Variants in PCDHGA8 observed in about 807,000 individuals in gnomAD.
The protein encoded by PCDHGA8 is protocadherin gamma-A8.
PCDHGA8 carries 45 observed loss-of-function variants against 59.2 expected under a neutral mutation model. The ratio of observed to expected loss-of-function variants is 0.76; its 90% CI spans 0.60 to 0.98. The LOEUF is 0.98. Ranked by LOEUF, PCDHGA8 falls within the 50% of genes least tolerant of loss-of-function variation. The pLI, the probability that PCDHGA8 is intolerant of heterozygous loss-of-function variation, is 0.00. For synonymous variants in PCDHGA8, 531 were observed against 519.0 expected, an observed-to-expected ratio of 1.02 and a Z score of -0.32; for missense variants, 1,257 against 1,196.2, an observed-to-expected ratio of 1.05 and a Z score of -0.75.
Position 141,393,015 on chromosome 5 carries a change from T to C in PCDHGA8, c.202T>C (p.Ser68Pro), listed in dbSNP as rs755462760. Residue 68 changes from serine (S) to proline (P), a missense_variant, in exon 1 of 4, where the codon TCC (serine) becomes CCC (proline). Transcript: ENST00000398604. ...KLAKHGVRIV[S>P]RGRTQLFALN... The stretch of plus-strand genomic sequence containing the variant: ...GGCGAAGCACGGAGTCCGTATCGTC[T>C]CCAGAGGTAGGACGCAGCTCTTTGC... The C allele has an allele frequency of 7.9e-5, 127 of 1,613,696 alleles. No homozygotes were observed. The highest frequency in any genetic ancestry group is 1.1e-4 in the Non-Finnish European group (124 of 1,179,874).
intron 3 of PCDHGA8, among the ~76,000 whole-genome samples, chr5:141,507,645 G>A (rs565235954): frequency 6.6e-6 from 1 of 152,382 alleles, no homozygotes; most frequent in South Asian, 2.1e-4. Flanking sequence ...CTGAGGCCAG[G>A]AAGCAGCTTT....
rs553587727 is a variant in PCDHGA8, at chr5:141,419,523, G to A, written c.2424+24286G>A. The A allele has an allele frequency of 2.1e-4, 343 of 1,612,204 alleles. 3 individuals are homozygous for A. The South Asian group carries it at 3.5e-3, about 17-fold the overall frequency. ...AGCCTGCGCGTGTTGGTGGGCGACC[G>A]TAACGACAACGCACCGCGGGTGCTG... On this transcript the variant is annotated intron_variant, in intron 1 of 3. Coordinates refer to ENST00000398604, the MANE Select transcript of PCDHGA8 (RefSeq NM_032088.2).
chr5:141,431,709 T>C lies in PCDHGA8; in HGVS notation c.2424+36472T>C. On this transcript the variant is annotated intron_variant, in intron 1 of 3. Coordinates refer to ENST00000398604, the MANE Select transcript of PCDHGA8 (RefSeq NM_032088.2). This position sits in a 1 kb window ranked among gnomAD's most constrained non-coding sequence, Gnocchi z 4.8. ...CACGAGGAGTCAGGATTCTACCAGA[T>C]GGAAGTGCAAGCAATGGATAATGCA... The C allele has an allele frequency of 6.2e-7, 1 of 1,614,168 alleles. No individual in the cohort carries two copies. Among genetic ancestry groups the C allele is most frequent in the Non-Finnish European group, 8.5e-7 (1 of 1,180,018 alleles).
chr5:141,473,116 G>A (rs966472502), intron 1 of PCDHGA8, among the ~76,000 whole-genome samples: 19 of 152,114 alleles, frequency 1.2e-4, no homozygotes, highest in African/African-American at 4.6e-4. Context: ...ACTTTACTTG[G>A]CTCTTTGGCA....
At chr5:141,419,457 A>AGGCCCGCGACCAGGGCT in intron 1 of PCDHGA8, 2 of 1,612,728 alleles carry the variant, frequency 1.2e-6, no homozygotes, top group Non-Finnish European at 1.7e-6. Context: ...CTCACGCTGC[A>AGGCCCGCGACCAGGGCT]GGCCCGCGAC....
In PCDHGA8 at chr5:141,511,116, G is replaced by A. The variant is rs2099883616; in HGVS notation, c.2742G>A (p.Lys914=). Residue 914 remains lysine, a synonymous_variant, in exon 4 of 4, where the codon AAG becomes AAA. Transcript: ENST00000398604. The stretch of plus-strand genomic sequence containing the variant: ...ACGCAGCTGGCAAGCGGGATGGCAA[G>A]GCCCCAGCAGGTGGCAATGGCAACA... ...LTNAAGKRDG[K]APAGGNGNKK... The A allele has an allele frequency of 1.9e-6, 3 of 1,614,234 alleles. No individual in the cohort carries two copies. The highest frequency in any genetic ancestry group is 2.5e-6 in the Non-Finnish European group (3 of 1,180,026).
rs1444171664 is a variant in PCDHGA8, at chr5:141,477,015, T to G, written c.2425-17792T>G. The G allele has an allele frequency of 1.2e-6, 2 of 1,614,210 alleles. No homozygotes were observed. Among genetic ancestry groups the G allele is most frequent in the Non-Finnish European group, 1.7e-6 (2 of 1,180,038 alleles). On this transcript the variant is annotated intron_variant, in intron 1 of 3. Coordinates refer to ENST00000398604, the MANE Select transcript of PCDHGA8 (RefSeq NM_032088.2). This position sits in a 1 kb window ranked among gnomAD's most constrained non-coding sequence, Gnocchi z 4.9. ...CGGCAACTATTCGCCTTAGACCTTG[T>G]AACCGGGATGCTGACAATCAAGGGT...
intron 1 of PCDHGA8, among the ~76,000 whole-genome samples, chr5:141,453,999 A>C (rs1561953352): frequency 6.6e-6 from 1 of 152,258 alleles, no homozygotes; most frequent in South Asian, 2.1e-4. Flanking sequence ...ATAAACCCAC[A>C]TAACATTTTA....
At position 141,418,573 on chromosome 5, in the gene PCDHGA8, C is replaced by A. The variant is rs749104686; in HGVS notation, c.2424+23336C>A. 5.0e-6 allele frequency: 8 copies of A among 1,613,826 alleles called. No individual in the cohort carries two copies. The South Asian group carries it at 5.5e-5, about 11-fold the overall frequency. Reference sequence around the variant, plus strand: ...TCCTGGTAATAGATGCCAATGACAACCCCCCAGTGTTCAGCCAGGACGTGT... The same window carrying A: ...TCCTGGTAATAGATGCCAATGACAAACCCCCAGTGTTCAGCCAGGACGTGT... On this transcript the variant is annotated intron_variant, in intron 1 of 3. Transcript: ENST00000398604.
intron 1 of PCDHGA8, chr5:141,408,888 A>G: frequency 1.2e-6 from 2 of 1,613,352 alleles, no homozygotes; most frequent in Non-Finnish European, 1.7e-6. Context: ...GCTCACATAG[A>G]AATTTCTGTC....
chr5:141,397,199 T>A (rs1317536621), intron 1 of PCDHGA8, among the ~76,000 whole-genome samples: 1 of 152,156 alleles, frequency 6.6e-6, no homozygotes, highest in Non-Finnish European at 1.5e-5. Context: ...GTAAAAGATA[T>A]GACATAAGAG....
intron 1 of PCDHGA8, chr5:141,398,674 A>T: frequency 6.2e-7 from 1 of 1,614,010 alleles, no homozygotes; most frequent in Non-Finnish European, 8.5e-7. Context: ...ATTAATAATT[A>T]AGGAGAAACA....
rs1206206519 is a variant in PCDHGA8 at position 141,432,127 on chromosome 5, C to G, written c.2424+36890C>G. ...ACCCGCCGGTCTTCCCTCAGGCCTC[C>G]TATTCCGCTTATATCCCAGAGAACA... On this transcript the variant is annotated intron_variant, in intron 1 of 3. Coordinates refer to ENST00000398604, the MANE Select transcript of PCDHGA8 (RefSeq NM_032088.2). The surrounding 1 kb of genome is among the most constrained non-coding windows in gnomAD (Gnocchi z 6.0). The G allele has an allele frequency of 6.8e-6, 11 of 1,614,160 alleles. No homozygotes were observed. The highest frequency in any genetic ancestry group is 8.5e-6 in the Non-Finnish European group (10 of 1,180,032).
chr5:141,393,902 G>C lies in PCDHGA8; in HGVS notation c.1089G>C (p.Gly363=). 6.2e-7 allele frequency: 1 copy of C among 1,613,968 alleles called. No homozygotes were observed. Among genetic ancestry groups the C allele is most frequent in the Non-Finnish European group, 8.5e-7 (1 of 1,179,882 alleles). The change falls in exon 1 of 4, where the codon GGG becomes GGC. Residue 363 remains glycine (G), a synonymous_variant. Transcript: ENST00000398604. ...FSPVLENSLP[G]TVIAFLSVHD... is the part of the protein sequence containing the mutation. ...CAGTGTTAGAAAATTCTCTTCCCGG[G>C]ACAGTAATTGCCTTCTTGAGTGTGC...
At chr5:141,456,341 C>G (rs950158154) in intron 1 of PCDHGA8, among the ~76,000 whole-genome samples, 4 of 152,034 alleles carry the variant, frequency 2.6e-5, no homozygotes, top group Admixed American at 1.3e-4. Context: ...TAAGGGTCCT[C>G]GGAAGAATGG....
chr5:141,427,723 G>A, intron 1 of PCDHGA8: 1 of 1,127,490 alleles, frequency 8.9e-7, no homozygotes, highest in Non-Finnish European at 1.3e-6. Context: ...CTGGACCTAG[G>A]GCTGAATGGC....
At chr5:141,408,775 C>T (rs780901987) in intron 1 of PCDHGA8, 7 of 1,611,568 alleles carry the variant, frequency 4.3e-6, no homozygotes, top group Non-Finnish European at 5.9e-6. Context: ...GTGGCAAATA[C>T]CCAGAGTTAT....
chr5:141,415,959 C>T, intron 1 of PCDHGA8: 3 of 443,810 alleles, frequency 6.8e-6, no homozygotes, highest in Non-Finnish European at 1.1e-5. Context: ...CATATTGAAA[C>T]TCCAGCCCCT....
rs761718852 is a variant in PCDHGA8, at chr5:141,432,440, G to A, written c.2424+37203G>A. ...GCTGGACCAGAACGACAATGCGCCCGAGATCCTGTACCCCGCCCTCCCCAC... is the reference window on the plus strand; with the variant it reads ...GCTGGACCAGAACGACAATGCGCCCAAGATCCTGTACCCCGCCCTCCCCAC... On this transcript the variant is annotated intron_variant, in intron 1 of 3. Transcript: ENST00000398604. The surrounding 1 kb of genome is among the most constrained non-coding windows in gnomAD (Gnocchi z 6.0). 1.3e-5 allele frequency: 21 copies of A among 1,614,226 alleles called. No homozygotes were observed. Among genetic ancestry groups the A allele is most frequent in the Non-Finnish European group, 1.6e-5 (19 of 1,180,048 alleles).
Sources: gnomAD v4.1 joint callset for allele counts (sites outside exome capture counted in the v4.1 genomes callset) on GRCh38, gnomAD v4.1.1 for gene constraint, Gnocchi (gnomAD v3.1) non-coding constraint, MANE v1.5 for transcripts, NCBI Gene and HGNC (gene_info 2026-07-23, HGNC 2026-07-21) for gene names.